The following AFF3 variants were observed in gnomAD, a reference collection of about 807,000 sequenced individuals.
AFF3 encodes the protein ALF transcription elongation factor 3.
In AFF3, 32 loss-of-function variants were observed where a neutral mutation model predicts 129.7. The observed-to-expected ratio is 0.25, with a 90% CI of 0.19 to 0.33. The LOEUF (loss-of-function observed/expected upper bound fraction) is 0.33. Ranked by LOEUF, AFF3 falls within the 10% of genes least tolerant of loss-of-function variation. AFF3 has a pLI of 1.00. For synonymous variants in AFF3, 644 were observed against 635.4 expected, an observed-to-expected ratio of 1.01 and a Z score of -0.20; for missense variants, 1,373 against 1,592.0, an observed-to-expected ratio of 0.86 and a Z score of 2.34.
At chr2:99,649,545 G>C (rs180895096) in intron 13 of AFF3, 81 bp downstream of exon 13, 1 of 1,470,230 alleles carries the variant, frequency 6.8e-7, no homozygotes, top group African/African-American at 1.4e-5. Context: ...GACAAAATCC[G>C]ATTATGAATT....
At chr2:100,016,805 A>G (rs1394993792) in intron 4 of AFF3, among the ~76,000 whole-genome samples, 6 of 141,044 alleles carry the variant, frequency 4.3e-5, no homozygotes, top group East Asian at 2.2e-4. Flanking sequence ...TGGTGATGGC[A>G]GTGATGCTGA....
intron 7 of AFF3, among the ~76,000 whole-genome samples, chr2:99,896,552 T>G (rs1033568639): frequency 1.3e-5 from 2 of 151,394 alleles, no homozygotes; most frequent in Admixed American, 6.6e-5. Context: ...TGAAGCAGAT[T>G]TAAGTGAAAT....
intron 7 of AFF3, among the ~76,000 whole-genome samples, chr2:99,979,934 G>A (rs920226181): frequency 6.6e-6 from 1 of 151,910 alleles, no homozygotes; most frequent in Non-Finnish European, 1.5e-5. Context: ...ATGTAGATAC[G>A]CAAACATGGC....
chr2:99,598,457 C>T (rs1679504052), intron 14 of AFF3, among the ~76,000 whole-genome samples: 2 of 152,190 alleles, frequency 1.3e-5, no homozygotes, highest in Non-Finnish European at 2.9e-5. Flanking sequence ...CTCCATGCTA[C>T]GCGGGAACAT....
At chr2:99,553,918 CA>C (rs61326965) in intron 24 of AFF3, among the ~76,000 whole-genome samples, 281 of 56,978 alleles carry the variant, frequency 4.9e-3, no homozygotes, top group South Asian at 0.011. Context: ...TGTCTCAAAC[CA>C]AAAAAAAAAA....
At chr2:99,650,006 C>G (rs1685088467) in intron 12 of AFF3, among the ~76,000 whole-genome samples, 1 of 152,158 alleles carries the variant, frequency 6.6e-6, no homozygotes, top group Non-Finnish European at 1.5e-5. Flanking sequence ...TTTCCCATTG[C>G]TTTATTGTCC....
chr2:99,740,175 G>C (rs898068639), intron 10 of AFF3, among the ~76,000 whole-genome samples: 11 of 151,106 alleles, frequency 7.3e-5, no homozygotes, highest in African/African-American at 2.4e-4. Flanking sequence ...GTATTCCATG[G>C]TGTATATGTG....
At chr2:99,997,824 C>T (rs1387494024) in intron 7 of AFF3, among the ~76,000 whole-genome samples, 1 of 152,206 alleles carries the variant, frequency 6.6e-6, no homozygotes, top group African/African-American at 2.4e-5. Context: ...TGTGCCTTCT[C>T]CCTGCCATGT....
chr2:99,969,679 T>A (rs562473208), intron 7 of AFF3, among the ~76,000 whole-genome samples: 94 of 152,018 alleles, frequency 6.2e-4, no homozygotes, highest in African/African-American at 2.2e-3. Context: ...GTTGTTGTTG[T>A]TTTAGTAGAG....
At chr2:99,750,289 A>G (rs1330116293) in intron 9 of AFF3, among the ~76,000 whole-genome samples, 1 of 152,218 alleles carries the variant, frequency 6.6e-6, no homozygotes, top group Non-Finnish European at 1.5e-5. Flanking sequence ...CTTAGAAGTA[A>G]CTGGGAAAAT....
chr2:100,070,584 T>G (rs1688099658), intron 4 of AFF3, among the ~76,000 whole-genome samples: 3 of 152,200 alleles, frequency 2.0e-5, no homozygotes, highest in African/African-American at 7.2e-5. Context: ...TAATCGTCAG[T>G]TATATTTGCA....
intron 4 of AFF3, among the ~76,000 whole-genome samples, chr2:100,064,090 A>G (rs1263197780): frequency 7.8e-6 from 1 of 127,958 alleles, no homozygotes; most frequent in Non-Finnish European, 1.7e-5. Context: ...ACTCCGTCTC[A>G]AAAAAAAAAG....
At chr2:99,930,065 AAAG>A (rs1045148050) in intron 7 of AFF3, among the ~76,000 whole-genome samples, 19 of 152,304 alleles carry the variant, frequency 1.2e-4, no homozygotes, top group African/African-American at 4.6e-4. Flanking sequence ...CTCTAAACTT[AAAG>A]AAAACACTGA....
At chr2:99,765,158 C>T (rs1682906294) in intron 8 of AFF3, among the ~76,000 whole-genome samples, 1 of 152,156 alleles carries the variant, frequency 6.6e-6, no homozygotes, top group African/African-American at 2.4e-5. Context: ...CACAAACACC[C>T]AGAAGTGAGC....
chr2:99,613,303 T>C lies in AFF3; in HGVS notation c.1185-11682A>G, dbSNP rs144480391. Among the ~76,000 whole-genome samples the C allele has an allele frequency of 2.9e-3, 444 of 152,320 alleles. 5 individuals are homozygous for C. The highest frequency in any genetic ancestry group is 0.01 in the African/African-American group (425 of 41,578). On this transcript the variant is annotated intron_variant, in intron 13 of 24. Coordinates refer to ENST00000672756, the MANE Select transcript of AFF3 (RefSeq NM_001386135.1). ...TCATAGTGTTCTGGGAAACGTTAAG[T>C]AATATAAAAGTTATCTGTTCCTTGA... is the stretch of plus-strand genomic sequence containing the variant.
intron 7 of AFF3, among the ~76,000 whole-genome samples, chr2:99,972,255 C>T (rs1478290049): frequency 6.6e-6 from 1 of 152,188 alleles, no homozygotes. Flanking sequence ...ATGTGTCTAC[C>T]CTGAGATCTC....
chr2:99,872,277 G>A (rs374431575), intron 7 of AFF3, among the ~76,000 whole-genome samples: 7 of 149,216 alleles, frequency 4.7e-5, no homozygotes, highest in Non-Finnish European at 8.9e-5. Context: ...AGTGATCACC[G>A]TAGAAATGCC....
At chr2:99,836,388 T>C (rs979075835) in intron 8 of AFF3, among the ~76,000 whole-genome samples, 1 of 152,182 alleles carries the variant, frequency 6.6e-6, no homozygotes, top group Non-Finnish European at 1.5e-5. Context: ...ATATAAAATA[T>C]ACTATGTATT....
rs542579251 is a variant in AFF3 at position 99,919,101 on chromosome 2, C to T, written c.874-81577G>A. ...TATAGACAATAATCATTAATTCCCC[C>T]CGGTAGTAGTACAGAATCATCTCCC... On this transcript the variant is annotated intron_variant, in intron 7 of 24. Coordinates refer to ENST00000672756, the MANE Select transcript of AFF3 (RefSeq NM_001386135.1). 1.1e-4 allele frequency among the ~76,000 whole-genome samples: 17 copies of T among 152,138 alleles called. No homozygotes were observed. In the South Asian group the frequency reaches 3.1e-3, roughly 28 times the overall value.
Sources: gnomAD v4.1 joint callset for allele counts (sites outside exome capture counted in the v4.1 genomes callset) on GRCh38, gnomAD v4.1.1 for gene constraint, MANE v1.5 for transcripts, NCBI Gene and HGNC (gene_info 2026-07-23, HGNC 2026-07-21) for gene names.